The following CSMD1 variants were observed in gnomAD, a reference collection of about 807,000 sequenced individuals.
CSMD1 encodes the protein CUB and Sushi multiple domains 1.
CSMD1 carries 213 observed loss-of-function variants against 417.5 expected under a neutral mutation model. The observed-to-expected ratio is 0.51, with a 90% CI of 0.46 to 0.57. CSMD1 has a LOEUF of 0.57. Among genes scored for constraint, CSMD1 ranks in the 20% least tolerant of loss-of-function variants. CSMD1 has a pLI of 0.00. For synonymous variants in CSMD1, 2,862 were observed against 1,736.8 expected (o/e 1.65, Z -16.11); for missense variants, 6,923 against 4,529.7 (o/e 1.53, Z -15.17).
chr8:3,412,749 G>C (rs1365464655), intron 12 of CSMD1, among the ~76,000 whole-genome samples: 1 of 152,170 alleles, frequency 6.6e-6, no homozygotes, highest in Non-Finnish European at 1.5e-5. Flanking sequence ...GAACACCTTT[G>C]CTTAAAGATA....
chr8:3,748,411 G>A (rs1797161392), intron 6 of CSMD1, among the ~76,000 whole-genome samples: 2 of 152,104 alleles, frequency 1.3e-5, no homozygotes, highest in Non-Finnish European at 2.9e-5. Flanking sequence ...ATGGAAACAG[G>A]CAGGAGGCCC....
intron 12 of CSMD1, among the ~76,000 whole-genome samples, chr8:3,431,943 C>A (rs1475665719): frequency 5.3e-5 from 8 of 152,194 alleles, no homozygotes; most frequent in African/African-American, 1.9e-4. Context: ...TGTCACACTT[C>A]TTTCAAATGT....
At chr8:4,848,182 A>C (rs1585206430) in intron 1 of CSMD1, among the ~76,000 whole-genome samples, 1 of 152,298 alleles carries the variant, frequency 6.6e-6, no homozygotes, top group East Asian at 1.9e-4. Flanking sequence ...ATAATATTTC[A>C]TTGTATGGAA....
At chr8:4,823,602 T>A (rs934343970) in intron 1 of CSMD1, among the ~76,000 whole-genome samples, 1 of 151,832 alleles carries the variant, frequency 6.6e-6, no homozygotes, top group Non-Finnish European at 1.5e-5. Context: ...ATTTGCCCAC[T>A]CAAACATACA....
chr8:4,273,610 A>T (rs934620964), intron 3 of CSMD1, among the ~76,000 whole-genome samples: 4 of 152,222 alleles, frequency 2.6e-5, no homozygotes, highest in African/African-American at 9.6e-5. Flanking sequence ...AATTCAAATT[A>T]AATGAGGTTT....
At chr8:4,208,067 A>G (rs1183466561) in intron 3 of CSMD1, among the ~76,000 whole-genome samples, 1 of 152,160 alleles carries the variant, frequency 6.6e-6, no homozygotes, top group Non-Finnish European at 1.5e-5. Context: ...TTTTGTTCAG[A>G]TATGTGTTTA....
intron 5 of CSMD1, among the ~76,000 whole-genome samples, chr8:3,919,051 T>C (rs1222828528): frequency 6.6e-6 from 1 of 151,992 alleles, no homozygotes; most frequent in Non-Finnish European, 1.5e-5. Flanking sequence ...AATATGTGGT[T>C]GTAAAAATTT....
At chr8:4,137,248 G>T (rs1163829108) in intron 3 of CSMD1, among the ~76,000 whole-genome samples, 1 of 152,080 alleles carries the variant, frequency 6.6e-6, no homozygotes, top group Non-Finnish European at 1.5e-5. Context: ...CTCTTTTCTG[G>T]TAGCTATGAG....
intron 7 of CSMD1, among the ~76,000 whole-genome samples, chr8:3,685,313 T>C (rs1189410589): frequency 6.6e-6 from 1 of 152,130 alleles, no homozygotes; most frequent in Admixed American, 6.6e-5. Flanking sequence ...TAGTTGTCTT[T>C]CCCCCTGTAA....
intron 1 of CSMD1, among the ~76,000 whole-genome samples, chr8:4,822,141 T>C (rs559994626): frequency 2.0e-5 from 3 of 152,100 alleles, no homozygotes; most frequent in South Asian, 4.1e-4. Context: ...GAAAGTTAAA[T>C]GTTATAAGCC....
chr8:4,811,693 G>T (rs1018869118), intron 1 of CSMD1, among the ~76,000 whole-genome samples: 2 of 151,764 alleles, frequency 1.3e-5, no homozygotes, highest in Admixed American at 6.6e-5. Context: ...TTGAGTCACA[G>T]AAATAAGAAA....
intron 2 of CSMD1, among the ~76,000 whole-genome samples, chr8:4,629,272 A>G (rs938343336): frequency 6.6e-6 from 1 of 152,218 alleles, no homozygotes; most frequent in Non-Finnish European, 1.5e-5. Context: ...CAGCAATTTA[A>G]TATCCTACCA....
At chr8:3,181,024 G>A in intron 37 of CSMD1, 86 bp downstream of exon 37, 3 of 820,680 alleles carry the variant, frequency 3.7e-6, no homozygotes, top group South Asian at 3.3e-5. Context: ...ATATTTCACT[G>A]TTTAATAAGA....
At chr8:4,112,565 T>C (rs1801913783) in intron 3 of CSMD1, among the ~76,000 whole-genome samples, 2 of 152,238 alleles carry the variant, frequency 1.3e-5, no homozygotes, top group South Asian at 4.1e-4. Flanking sequence ...CTCTGTTCCC[T>C]CTTCTGGGGA....
intron 3 of CSMD1, among the ~76,000 whole-genome samples, chr8:4,195,544 G>A (rs906511176): frequency 2.0e-5 from 3 of 152,162 alleles, no homozygotes; most frequent in Admixed American, 1.3e-4. Flanking sequence ...AAAGACTTGT[G>A]ATGTGCGTCT....
chr8:4,453,164 C>T (rs117439482), intron 2 of CSMD1, among the ~76,000 whole-genome samples: 1,808 of 151,772 alleles, frequency 0.012, 22 homozygotes, highest in Non-Finnish European at 0.019. Context: ...GGCACAAGCC[C>T]GTTCCCCCCT....
Position 3,387,483 on chromosome 8 carries a change from G to C in CSMD1, c.2782+11C>G, listed in dbSNP as rs558031611. 11 of 1,589,464 alleles carry C rather than the reference G, an allele frequency of 6.9e-6. No individual in the cohort carries two copies. Among genetic ancestry groups the C allele is most frequent in the African/African-American group, 6.7e-5 (5 of 74,598 alleles). ...CCCTGCTGGTGCATTGCCTCACTGA[G>C]CTGTACCTACCGTCGCAGCTGGGCA... On this transcript the variant is annotated intron_variant, in intron 18 of 69. Transcript: ENST00000635120.
At chr8:4,253,797 G>C (rs1471052268) in intron 3 of CSMD1, among the ~76,000 whole-genome samples, 2 of 148,500 alleles carry the variant, frequency 1.3e-5, no homozygotes, top group Non-Finnish European at 3.0e-5. Context: ...CTGTATTTAT[G>C]TGAAAGACAA....
intron 49 of CSMD1, among the ~76,000 whole-genome samples, chr8:3,063,861 A>C (rs947445161): frequency 2.0e-5 from 3 of 152,152 alleles, no homozygotes; most frequent in African/African-American, 7.2e-5. Context: ...GCAGAGTTTC[A>C]GTTTTGCAAG....
Sources: gnomAD v4.1 joint callset for allele counts (sites outside exome capture counted in the v4.1 genomes callset) on GRCh38, gnomAD v4.1.1 for gene constraint, MANE v1.5 for transcripts, NCBI Gene and HGNC (gene_info 2026-07-23, HGNC 2026-07-21) for gene names.